EFHC2: variants seen among roughly 807,000 people sequenced by gnomAD.
EFHC2 encodes the protein EF-hand domain containing 2.
EFHC2 carries 18 observed loss-of-function variants against 52.7 expected under a neutral mutation model. The observed-to-expected ratio is 0.34, with a 90% CI of 0.24 to 0.51. EFHC2 has a LOEUF of 0.51. Ranked by LOEUF, EFHC2 falls within the 20% of genes least tolerant of loss-of-function variation. EFHC2 has a pLI of 0.97. For synonymous variants in EFHC2, 203 were observed against 204.1 expected, an observed-to-expected ratio of 0.99 and a Z score of 0.04; for missense variants, 513 against 562.5, an observed-to-expected ratio of 0.91 and a Z score of 0.89.
intron 9 of EFHC2, among the ~76,000 whole-genome samples, chrX:44,233,912 T>G (rs979720247): frequency 9.0e-6 from 1 of 111,409 alleles, no homozygotes; most frequent in African/African-American, 3.3e-5. Flanking sequence ...CAAGGACTCC[T>G]CCAACTAGCA....
intron 2 of EFHC2, among the ~76,000 whole-genome samples, chrX:44,281,440 A>C (rs1006449028): frequency 8.9e-6 from 1 of 112,155 alleles, no homozygotes; most frequent in Non-Finnish European, 1.9e-5. Flanking sequence ...TTTAACACAT[A>C]ATGAAAGAGG....
intron 11 of EFHC2, among the ~76,000 whole-genome samples, chrX:44,213,188 A>G (rs1340765953): frequency 8.9e-6 from 1 of 112,070 alleles, no homozygotes; most frequent in African/African-American, 3.2e-5. Context: ...AACAACCATA[A>G]TTAATATGCT....
At chrX:44,148,996 T>A in intron 14 of EFHC2, 100 bp from the exon 15 acceptor site, 1 of 714,296 alleles carries the variant, frequency 1.4e-6, no homozygotes, top group Non-Finnish European at 2.1e-6. Context: ...ATTTCTACCA[T>A]CTACTTTAGG....
At chrX:44,213,428 T>C (rs757896517) in intron 11 of EFHC2, among the ~76,000 whole-genome samples, 127 of 111,704 alleles carry the variant, frequency 1.1e-3, no homozygotes, top group Non-Finnish European at 2.1e-3. Context: ...ATGCCCAAGA[T>C]GGTTGAGGCA....
chrX:44,332,571 C>T (rs892759997), intron 1 of EFHC2, among the ~76,000 whole-genome samples: 1 of 111,376 alleles, frequency 9.0e-6, no homozygotes, highest in Admixed American at 9.5e-5. Context: ...TTGGCTCTGC[C>T]CTTTCTGCAA....
At chrX:44,331,031 C>G (rs770771554) in intron 1 of EFHC2, among the ~76,000 whole-genome samples, 1 of 112,143 alleles carries the variant, frequency 8.9e-6, no homozygotes, top group Non-Finnish European at 1.9e-5. Context: ...CACTCTTGGG[C>G]TCTTATCCTA....
At chrX:44,313,293 C>T (rs2037961362) in intron 1 of EFHC2, among the ~76,000 whole-genome samples, 1 of 111,578 alleles carries the variant, frequency 9.0e-6, no homozygotes, top group Non-Finnish European at 1.9e-5. Context: ...CCTTAACTCC[C>T]ACCTTTTCTG....
At position 44,206,975 on chromosome X, in the gene EFHC2, A is replaced by G. The variant is rs1028575805; in HGVS notation, c.1751+22674T>C. Among the ~76,000 whole-genome samples, 3 of 112,175 alleles carry G rather than the reference A, an allele frequency of 2.7e-5. No individual in the cohort carries two copies. The Admixed American group carries it at 2.8e-4, about 11-fold the overall frequency. On this transcript the variant is annotated intron_variant, in intron 11 of 14. Coordinates refer to ENST00000420999, the MANE Select transcript of EFHC2 (RefSeq NM_025184.4). ...ACTTCAAACAATACTACAAGGCTAT[A>G]GTAACCAAAACAGCATGGTACTTGT...
intron 11 of EFHC2, among the ~76,000 whole-genome samples, chrX:44,193,102 G>A (rs980736633): frequency 3.2e-4 from 36 of 110,927 alleles, no homozygotes; most frequent in African/African-American, 1.1e-3. Context: ...CTGTTACCTG[G>A]AGGCTTCATC....
chrX:44,156,401 T>C (rs2036606242), intron 14 of EFHC2, among the ~76,000 whole-genome samples: 1 of 112,754 alleles, frequency 8.9e-6, no homozygotes, highest in South Asian at 3.6e-4. Context: ...CCATTAGGAA[T>C]ATCTCCGAGC....
chrX:44,325,732 T>G (rs2038047883), intron 1 of EFHC2, among the ~76,000 whole-genome samples: 1 of 104,639 alleles, frequency 9.6e-6, no homozygotes. Flanking sequence ...AAAGCCCAGA[T>G]GCTTGACAAC....
chrX:44,154,072 T>C (rs1422941296), intron 14 of EFHC2, among the ~76,000 whole-genome samples: 1 of 112,636 alleles, frequency 8.9e-6, no homozygotes, highest in Non-Finnish European at 1.9e-5. Context: ...CTCCTGGCAG[T>C]GCAGGTTTGG....
At chrX:44,343,144 C>T (rs918424401) in intron 1 of EFHC2, among the ~76,000 whole-genome samples, 18 of 111,032 alleles carry the variant, frequency 1.6e-4, no homozygotes, top group African/African-American at 5.9e-4. Context: ...AGCTTCACCA[C>T]TGAGACTGTG....
At chrX:44,260,323 A>T (rs934285165) in intron 4 of EFHC2, among the ~76,000 whole-genome samples, 2 of 111,877 alleles carry the variant, frequency 1.8e-5, no homozygotes, top group Non-Finnish European at 3.8e-5. Flanking sequence ...AATGATGGAA[A>T]TCAGGGTAAG....
chrX:44,250,687 T>C (rs2037435902), intron 4 of EFHC2, among the ~76,000 whole-genome samples: 1 of 105,573 alleles, frequency 9.5e-6, no homozygotes, highest in Non-Finnish European at 1.9e-5. Context: ...TAGGCAGATG[T>C]GGTGTCACAC....
chrX:44,312,249 CAAA>C, intron 2 of EFHC2, among the ~76,000 whole-genome samples: 1 of 111,308 alleles, frequency 9.0e-6, no homozygotes, highest in Middle Eastern at 4.7e-3. Context: ...GTTTTCATCA[CAAA>C]AAAAGAGAAG....
chrX:44,310,642 G>T (rs150661390), intron 2 of EFHC2, among the ~76,000 whole-genome samples: 1 of 112,055 alleles, frequency 8.9e-6, no homozygotes, highest in African/African-American at 3.2e-5. Flanking sequence ...TATTAACCAG[G>T]ATCTAGTCTG....
intron 2 of EFHC2, chrX:44,284,491 T>A (rs2037736739): frequency 9.0e-6 from 1 of 111,179 alleles, no homozygotes; most frequent in African/African-American, 3.3e-5. Context: ...TCCTGGGAGA[T>A]GACATTCCAA....
intron 1 of EFHC2, among the ~76,000 whole-genome samples, chrX:44,336,678 G>A (rs1411672094): frequency 8.9e-6 from 1 of 111,864 alleles, no homozygotes; most frequent in East Asian, 2.8e-4. Flanking sequence ...AGCTTTCCTT[G>A]TTTAACAAGT....
Sources: allele counts gnomAD v4.1 joint callset (sites outside exome capture counted in the v4.1 genomes callset), GRCh38; gene constraint gnomAD v4.1.1; transcripts MANE v1.5; gene names NCBI Gene and HGNC (gene_info 2026-07-23, HGNC 2026-07-21).